BMPR1B: variants seen among roughly 807,000 people sequenced by gnomAD.
BMPR1B encodes the protein bone morphogenetic protein receptor type 1B, also known as bone morphogenetic protein receptor type-1B.
In BMPR1B, 12 loss-of-function variants were observed where a neutral mutation model predicts 59.1. That is an observed-to-expected ratio of 0.20 (90% CI 0.13 to 0.33). BMPR1B has a LOEUF of 0.33. BMPR1B is among the 10% of genes least tolerant of loss of function. BMPR1B has a pLI of 1.00. For synonymous variants in BMPR1B, 237 were observed against 207.3 expected, an observed-to-expected ratio of 1.14 and a Z score of -1.23; for missense variants, 550 against 610.9, an observed-to-expected ratio of 0.90 and a Z score of 1.05.
chr4:95,100,076 T>C (rs937939055), intron 3 of BMPR1B, among the ~76,000 whole-genome samples: 1 of 152,184 alleles, frequency 6.6e-6, no homozygotes, highest in Non-Finnish European at 1.5e-5. Flanking sequence ...GCCTGCTTGC[T>C]CCTGAAGTCC....
chr4:95,134,710 G>A (rs1733638766), intron 10 of BMPR1B, among the ~76,000 whole-genome samples: 4 of 151,848 alleles, frequency 2.6e-5, no homozygotes, highest in Admixed American at 2.6e-4. Flanking sequence ...CTTTTTGATG[G>A]GGTTGTTTTT....
At position 95,104,586 on chromosome 4, in the gene BMPR1B, T is replaced by C; in HGVS notation, c.143+19T>C. On this transcript the variant is annotated intron_variant, in intron 4 of 12. Transcript: ENST00000515059. The stretch of plus-strand genomic sequence containing the variant: ...TTTGCAGGTTGGTGATATAAATGAT[T>C]TAAAGCTAGCTTTAACAAAAAGTCA... The C allele has an allele frequency of 6.2e-7, 1 of 1,613,028 alleles. No individual in the cohort carries two copies. The highest frequency in any genetic ancestry group is 2.2e-5 in the East Asian group (1 of 44,876).
intron 3 of BMPR1B, among the ~76,000 whole-genome samples, chr4:95,008,682 A>C (rs1229748383): frequency 6.6e-6 from 1 of 152,190 alleles, no homozygotes; most frequent in Non-Finnish European, 1.5e-5. Context: ...AAAATGAAAA[A>C]TCAAAACTGT....
chr4:95,143,480 C>T (rs368434879), intron 10 of BMPR1B, among the ~76,000 whole-genome samples: 41 of 152,084 alleles, frequency 2.7e-4, no homozygotes, highest in Non-Finnish European at 4.6e-4. Flanking sequence ...TCCCTTTGCT[C>T]CCCTTCCCTA....
At chr4:95,119,000 TAC>T (rs1453188000) in intron 6 of BMPR1B, among the ~76,000 whole-genome samples, 1 of 152,158 alleles carries the variant, frequency 6.6e-6, no homozygotes, top group African/African-American at 2.4e-5. Context: ...AGATAAGTAA[TAC>T]ACAGTGTTCT....
At chr4:94,781,036 G>A (rs1286518904) in intron 1 of BMPR1B, among the ~76,000 whole-genome samples, 3 of 152,076 alleles carry the variant, frequency 2.0e-5, no homozygotes, top group Non-Finnish European at 2.9e-5. Flanking sequence ...ATGAAGTACT[G>A]TGTCATTGTG....
intron 2 of BMPR1B, among the ~76,000 whole-genome samples, chr4:94,939,659 G>T (rs933675493): frequency 2.0e-5 from 3 of 152,168 alleles, no homozygotes; most frequent in Admixed American, 1.3e-4. Context: ...TATAGAGACA[G>T]GCAGCTAGAG....
At chr4:94,945,097 CAG>C (rs925269503) in intron 2 of BMPR1B, among the ~76,000 whole-genome samples, 25 of 152,244 alleles carry the variant, frequency 1.6e-4, no homozygotes, top group Admixed American at 1.0e-3. Flanking sequence ...CAGGGGAAAA[CAG>C]GGGCAACGGC....
chr4:94,762,044 T>C (rs1721794057), intron 1 of BMPR1B, among the ~76,000 whole-genome samples: 6 of 152,228 alleles, frequency 3.9e-5, no homozygotes, highest in Admixed American at 3.9e-4. Flanking sequence ...ATGTTATTTC[T>C]GGGTATTTTT....
intron 3 of BMPR1B, among the ~76,000 whole-genome samples, chr4:95,100,256 G>A (rs1435293841): frequency 6.6e-6 from 1 of 151,934 alleles, no homozygotes; most frequent in African/African-American, 2.4e-5. Context: ...AAGATACATG[G>A]GAGGTAAATT....
chr4:95,077,635 A>G (rs535060236), intron 3 of BMPR1B, among the ~76,000 whole-genome samples: 1 of 152,292 alleles, frequency 6.6e-6, no homozygotes, highest in African/African-American at 2.4e-5. Context: ...TGCTCTTCCT[A>G]TTAAAAGATG....
At chr4:94,926,173 G>A (rs939692794) in intron 2 of BMPR1B, among the ~76,000 whole-genome samples, 1 of 149,828 alleles carries the variant, frequency 6.7e-6, no homozygotes. Context: ...GCTCTAATAT[G>A]TGTGACTCAG....
chr4:94,768,156 T>C (rs1428084782), intron 1 of BMPR1B, among the ~76,000 whole-genome samples: 1 of 152,130 alleles, frequency 6.6e-6, no homozygotes, highest in Non-Finnish European at 1.5e-5. Flanking sequence ...CTAATTGCAG[T>C]CTCTTGATTT....
chr4:94,913,649 C>CTGTGTGTGTG (rs140050722), intron 2 of BMPR1B, among the ~76,000 whole-genome samples: 3 of 150,512 alleles, frequency 2.0e-5, no homozygotes, highest in African/African-American at 7.3e-5. Flanking sequence ...TTAATTATCT[C>CTGTGTGTGTG]TGTGTGTGTG....
chr4:94,812,116 T>C (rs1299376744), intron 1 of BMPR1B, among the ~76,000 whole-genome samples: 1 of 152,184 alleles, frequency 6.6e-6, no homozygotes, highest in Non-Finnish European at 1.5e-5. Flanking sequence ...TTCTTATTCA[T>C]TAAACAAGCA....
At chr4:94,944,017 CA>C (rs1729614540) in intron 2 of BMPR1B, among the ~76,000 whole-genome samples, 1 of 152,142 alleles carries the variant, frequency 6.6e-6, no homozygotes. Context: ...AAATTTCACA[CA>C]TAAGTACTTA....
At chr4:94,810,238 G>C (rs140981421) in intron 1 of BMPR1B, among the ~76,000 whole-genome samples, 1 of 152,118 alleles carries the variant, frequency 6.6e-6, no homozygotes, top group African/African-American at 2.4e-5. Flanking sequence ...TGTTAGAGAC[G>C]TGCTACAATT....
At chr4:94,881,409 C>T (rs955818624) in intron 2 of BMPR1B, among the ~76,000 whole-genome samples, 7 of 151,912 alleles carry the variant, frequency 4.6e-5, no homozygotes, top group South Asian at 2.1e-4. Context: ...TGATCTTCAG[C>T]AGAAGAATTT....
rs1733359585 is a variant in BMPR1B, at chr4:95,131,521, C to A, written c.1076+9C>A. 1.2e-6 allele frequency: 2 copies of A among 1,613,372 alleles called. No individual in the cohort carries two copies. The highest frequency in any genetic ancestry group is 1.1e-5 in the South Asian group (1 of 91,068). On this transcript the variant is annotated intron_variant, in intron 10 of 12. Coordinates refer to ENST00000515059, the MANE Select transcript of BMPR1B (RefSeq NM_001203.3). ...GCTGTTAAATTTATTAGGTTAGTAT[C>A]AAAGTGAACAAATACATGTTTTATG...
Sources: allele counts gnomAD v4.1 joint callset (sites outside exome capture counted in the v4.1 genomes callset), GRCh38; gene constraint gnomAD v4.1.1; transcripts MANE v1.5; gene names NCBI Gene and HGNC (gene_info 2026-07-23, HGNC 2026-07-21).